CREBBP: variants seen among roughly 807,000 people sequenced by gnomAD.
The protein encoded by CREBBP is CREB binding lysine acetyltransferase.
A neutral mutation model predicts 265.0 loss-of-function variants in CREBBP; 19 were observed. The observed-to-expected ratio is 0.07, with a 90% CI of 0.05 to 0.11. CREBBP has a LOEUF of 0.11. Ranked by LOEUF, CREBBP falls within the 10% of genes least tolerant of loss-of-function variation. The pLI is 1.00. For missense variants in CREBBP, 2,525 were observed against 3,219.0 expected, an observed-to-expected ratio of 0.78 and a Z score of 5.22; for synonymous variants, 1,457 against 1,223.7, an observed-to-expected ratio of 1.19 and a Z score of -3.98.
In CREBBP at chr16:3,770,616, G is replaced by A. The variant is rs2052978189; in HGVS notation, c.2834C>T (p.Ser945Leu). 5 of 1,613,864 alleles carry A rather than the reference G, an allele frequency of 3.1e-6. No individual in the cohort carries two copies. Among genetic ancestry groups the A allele is most frequent in the Middle Eastern group, 1.7e-4 (1 of 5,996 alleles). Reference protein sequence around the residue: ...QPPSVATPQSSQQQPTPVHAQ... With the variant: ...QPPSVATPQSLQQQPTPVHAQ... The stretch of plus-strand genomic sequence containing the variant: ...GTGCACAGGCGTCGGCTGTTGCTGC[G>A]ATGACTGAGGGGTAGCCACAGACGG... Residue 945 changes from serine to leucine, a missense_variant, in exon 14 of 31, where the codon TCG becomes TTG. By Grantham distance (145) the Ser-to-Leu change is moderately radical (BLOSUM62 -2). Transcript: ENST00000262367.
intron 11 of CREBBP, among the ~76,000 whole-genome samples, chr16:3,776,540 G>A (rs1355835583): frequency 6.6e-6 from 1 of 152,062 alleles, no homozygotes; most frequent in African/African-American, 2.4e-5. Flanking sequence ...AACCCCTAGG[G>A]CCAAGAGCAG....
rs2051715864 is a variant in CREBBP at position 3,725,370 on chromosome 16, C to G, written c.*2348G>C. On this transcript the variant is annotated 3_prime_UTR_variant, in exon 31 of 31. Transcript: ENST00000262367. ...GGATAACCTGAAACAGAGGCCCCTC[C>G]ACTGCCCACATTAAAAGGCTGCACA... The G allele has an allele frequency of 4.3e-6, 1 of 233,198 alleles. No homozygotes were observed. The highest frequency in any genetic ancestry group is 2.2e-5 in the African/African-American group (1 of 45,358). 14.4% of individuals were successfully genotyped at this position (233,198 alleles called of 1,614,324 possible).
At position 3,727,883 on chromosome 16, in the gene CREBBP, T is replaced by C. The variant is rs752626859; in HGVS notation, c.7164A>G (p.Ala2388=). 8 of 1,613,534 alleles carry C rather than the reference T, an allele frequency of 5.0e-6. No individual in the cohort carries two copies. The highest frequency in any genetic ancestry group is 1.7e-5 in the Admixed American group (1 of 60,008). The change falls in exon 31 of 31, where the codon GCA becomes GCG. Residue 2388 remains alanine, a synonymous_variant. Transcript: ENST00000262367. ...PQTGSPHPGL[A]VTMASSIDQG... is the part of the protein sequence containing the mutation. Reference sequence around the variant, plus strand: ...GATCTATGGAGCTGGCCATGGTGACTGCGAGTCCGGGGTGGGGGGAACCAG... The same window carrying C: ...GATCTATGGAGCTGGCCATGGTGACCGCGAGTCCGGGGTGGGGGGAACCAG...
intron 11 of CREBBP, 175 bp from the exon 12 acceptor site, chr16:3,774,868 C>T: frequency 1.2e-6 from 1 of 859,782 alleles, no homozygotes; most frequent in East Asian, 2.7e-5. Context: ...TCTCCATATC[C>T]AGAGAAAACG....
At chr16:3,868,932 C>T (rs2055236020) in intron 1 of CREBBP, among the ~76,000 whole-genome samples, 2 of 152,164 alleles carry the variant, frequency 1.3e-5, no homozygotes, top group African/African-American at 4.8e-5. Flanking sequence ...GGATCCCGGG[C>T]CGACCAACCC....
In CREBBP at chr16:3,781,161, T is replaced by C. The variant is rs760715204; in HGVS notation, c.1676+43A>G. 5.3e-6 allele frequency: 8 copies of C among 1,521,112 alleles called. No homozygotes were observed. In the African/African-American group the frequency reaches 5.5e-5, roughly 10 times the overall value. The allele number at this position is 1,521,112 out of a possible 1,614,324, so 94.2% of individuals were successfully genotyped here. The stretch of plus-strand genomic sequence containing the variant: ...TCAGTTTTGTGTGGTTCTCAGTCCA[T>C]GCTCCTGTTGGACTGTCACTCAGAT... On this transcript the variant is annotated intron_variant, in intron 7 of 30. Coordinates refer to ENST00000262367, the MANE Select transcript of CREBBP (RefSeq NM_004380.3).
chr16:3,830,073 G>A (rs893118950), intron 2 of CREBBP, among the ~76,000 whole-genome samples: 14 of 152,262 alleles, frequency 9.2e-5, no homozygotes, highest in East Asian at 5.8e-4. Context: ...CTAATGCTAC[G>A]CTGCTTACAA....
intron 16 of CREBBP, among the ~76,000 whole-genome samples, chr16:3,762,595 C>T (rs1311471548): frequency 2.6e-5 from 4 of 152,054 alleles, no homozygotes; most frequent in South Asian, 2.1e-4. Flanking sequence ...TCCTCTGGCC[C>T]GAGGACCTGC....
chr16:3,782,053 T>C (rs929647581), intron 6 of CREBBP, among the ~76,000 whole-genome samples: 3 of 152,246 alleles, frequency 2.0e-5, no homozygotes, highest in Non-Finnish European at 4.4e-5. Context: ...CAGACATCAC[T>C]GCTTAGCTTA....
Position 3,860,793 on chromosome 16 carries a change from A to G in CREBBP, c.86-9784T>C, listed in dbSNP as rs867256004. On this transcript the variant is annotated intron_variant, in intron 1 of 30. Coordinates refer to ENST00000262367, the MANE Select transcript of CREBBP (RefSeq NM_004380.3). Reference sequence around the variant, plus strand: ...TGGAAGGATTCACAGTGTTGTTATTATTATTGTTAAATGACCTGGAGGCCA... The same window carrying G: ...TGGAAGGATTCACAGTGTTGTTATTGTTATTGTTAAATGACCTGGAGGCCA... 4.9e-4 allele frequency among the ~76,000 whole-genome samples: 74 copies of G among 152,174 alleles called. No individual in the cohort carries two copies. In the Middle Eastern group the frequency reaches 0.014, roughly 28 times the overall value.
chr16:3,786,129 G>A (rs545473073), intron 5 of CREBBP, among the ~76,000 whole-genome samples: 7 of 152,318 alleles, frequency 4.6e-5, no homozygotes, highest in South Asian at 2.1e-4. Context: ...TTGGGAGGCC[G>A]AGGCAGGTGG....
At chr16:3,877,703 C>G (rs139628595) in intron 1 of CREBBP, among the ~76,000 whole-genome samples, 1 of 152,278 alleles carries the variant, frequency 6.6e-6, no homozygotes, top group African/African-American at 2.4e-5. Flanking sequence ...TGGCGCCCAG[C>G]AGCCCCTTGT....
chr16:3,862,848 TTC>T (rs2055105111), intron 1 of CREBBP, among the ~76,000 whole-genome samples: 4 of 152,212 alleles, frequency 2.6e-5, no homozygotes, highest in Non-Finnish European at 5.9e-5. Flanking sequence ...TCAGTGTCCT[TTC>T]CCTCTGAAGT....
At position 3,879,708 on chromosome 16, in the gene CREBBP, G is replaced by C. The variant is rs1186125477; in HGVS notation, c.85+124C>G. On this transcript the variant is annotated intron_variant, in intron 1 of 30. Coordinates refer to ENST00000262367, the MANE Select transcript of CREBBP (RefSeq NM_004380.3). Reference sequence around the variant, plus strand: ...CTCCCGCGCGGGGCGAGGGGAACGGGCTGCGGGGCCTGCTCCGAGCTCCCG... The same window carrying C: ...CTCCCGCGCGGGGCGAGGGGAACGGCCTGCGGGGCCTGCTCCGAGCTCCCG... 1.1e-5 allele frequency: 11 copies of C among 1,043,160 alleles called. No homozygotes were observed. The Admixed American group carries it at 1.8e-4, about 17-fold the overall frequency. 64.6% of individuals were successfully genotyped at this position (1,043,160 alleles called of 1,614,324 possible). A position where few individuals can be genotyped will look rare whatever the true frequency, so the allele number is the denominator to read the frequency against.
At chr16:3,752,886 T>C (rs904648107) in intron 19 of CREBBP, among the ~76,000 whole-genome samples, 3 of 152,102 alleles carry the variant, frequency 2.0e-5, no homozygotes, top group Non-Finnish European at 4.4e-5. Flanking sequence ...ACAATTAAAA[T>C]AAAAACTACT....
At position 3,729,394 on chromosome 16, in the gene CREBBP, G is replaced by A. The variant is rs1238792069; in HGVS notation, c.5653C>T (p.Pro1885Ser). The A allele has an allele frequency of 6.2e-7, 1 of 1,611,728 alleles. No homozygotes were observed. The highest frequency in any genetic ancestry group is 1.7e-5 in the Admixed American group (1 of 59,986). ...RNVPQQSLPSPTSAPPGTPTQ... is the reference protein window; with the variant it reads ...RNVPQQSLPSSTSAPPGTPTQ... ...GGGGTCCCGGGCGGTGCTGAGGTAG[G>A]AGAAGGCAGACTCTGCTGAGGCACG... is the stretch of plus-strand genomic sequence containing the variant. The change falls in exon 31 of 31, where the codon CCT (proline) becomes TCT (serine). Residue 1885 changes from proline (P) to serine (S), a missense_variant. Coordinates refer to ENST00000262367, the MANE Select transcript of CREBBP (RefSeq NM_004380.3).
intron 3 of CREBBP, among the ~76,000 whole-genome samples, chr16:3,809,588 T>G (rs1314866641): frequency 1.3e-5 from 2 of 152,134 alleles, no homozygotes; most frequent in Admixed American, 1.3e-4. Context: ...GAGATCTGGC[T>G]CTCTCTGCTT....
At chr16:3,849,452 T>TGTGTGTGTGTGTGTGTGTGTGTG in intron 2 of CREBBP, among the ~76,000 whole-genome samples, 1 of 76,266 alleles carries the variant, frequency 1.3e-5, no homozygotes, top group East Asian at 3.6e-4. Context: ...TGTGTGTGTG[T>TGTGTGTGTGTGTGTGTGTGTGTG]GTGTGTGTGT....
In CREBBP at chr16:3,850,580, C is replaced by A; in HGVS notation, c.515G>T (p.Gly172Val). The A allele has an allele frequency of 6.2e-7, 1 of 1,614,246 alleles. No individual in the cohort carries two copies. The highest frequency in any genetic ancestry group is 1.3e-5 in the African/African-American group (1 of 75,062). ...GTTAGCATTCATGCAGATACCAGGT[C>A]CAGTCTGTGACGTGGCAGGGCTGCT... ...ATSSPATSQT[G>V]PGICMNANFN... Residue 172 changes from glycine (G) to valine (V), a missense_variant, in exon 2 of 31, where the codon GGA becomes GTA. This residue lies in a region of CREBBP where 356 missense variants were observed against 340.4 expected (regional missense o/e 1.05). Transcript: ENST00000262367.
Sources: allele counts gnomAD v4.1 joint callset (sites outside exome capture counted in the v4.1 genomes callset), GRCh38; gene constraint gnomAD v4.1.1; regional missense constraint gnomAD v4.1.1; transcripts MANE v1.5; gene names NCBI Gene and HGNC (gene_info 2026-07-23, HGNC 2026-07-21).